MME: variants seen among roughly 807,000 people sequenced by gnomAD.
The protein encoded by MME is membrane metalloendopeptidase, also known as neprilysin.
In MME, 98 loss-of-function variants were observed where a neutral mutation model predicts 113.2. The ratio of observed to expected loss-of-function variants is 0.87; its 90% CI spans 0.74 to 1.02. The LOEUF (loss-of-function observed/expected upper bound fraction) is 1.02. Among genes scored for constraint, MME ranks in the 50% least tolerant of loss-of-function variants. MME has a pLI of 0.00. For synonymous variants in MME, 292 were observed against 300.6 expected (o/e 0.97, Z 0.30); for missense variants, 836 against 896.0 (o/e 0.93, Z 0.86).
chr3:155,080,943 C>G (rs1386980618), intron 1 of MME: 14 of 152,180 alleles, frequency 9.2e-5, no homozygotes, highest in Non-Finnish European at 1.9e-4. Context: ...ATTTCTTGGA[C>G]TTAACCCTGT....
At chr3:155,061,248 A>T (rs570939751) in intron 1 of MME, among the ~76,000 whole-genome samples, 1 of 152,134 alleles carries the variant, frequency 6.6e-6, no homozygotes, top group East Asian at 1.9e-4. Flanking sequence ...GTCTGGAGAT[A>T]GAGACCATCC....
intron 14 of MME, 23 bp from the exon 15 acceptor site, chr3:155,147,121 A>G (rs1215287951): frequency 2.1e-6 from 3 of 1,443,340 alleles, no homozygotes; most frequent in Non-Finnish European, 2.9e-6. Flanking sequence ...TCATCTTCAC[A>G]TTCAATATTA....
At chr3:155,055,089 G>T (rs1713881358) in intron 1 of MME, among the ~76,000 whole-genome samples, 1 of 151,884 alleles carries the variant, frequency 6.6e-6, no homozygotes. Context: ...TCAACAGAGG[G>T]GTATTTATGT....
Position 155,085,066 on chromosome 3 carries a change from T to G in MME, c.168T>G (p.Ile56Met). Reference protein sequence around the residue: ...IALYATYDDGICKSSDCIKSA... With the variant: ...IALYATYDDGMCKSSDCIKSA... ...ATTCTCTCCTTTTTCTAGATGGTAT[T>G]TGCAAGTCATCAGACTGCATAAAAT... Residue 56 changes from isoleucine to methionine, a missense_variant, in exon 3 of 23, where the codon ATT becomes ATG. Coordinates refer to ENST00000360490, the MANE Select transcript of MME (RefSeq NM_007289.4). 1.3e-6 allele frequency: 2 copies of G among 1,589,078 alleles called. No individual in the cohort carries two copies. Among genetic ancestry groups the G allele is most frequent in the Non-Finnish European group, 1.7e-6 (2 of 1,161,318 alleles).
At chr3:155,103,431 A>G (rs1442534369) in intron 3 of MME, among the ~76,000 whole-genome samples, 1 of 152,188 alleles carries the variant, frequency 6.6e-6, no homozygotes, top group South Asian at 2.1e-4. Flanking sequence ...TCCTAGGTTT[A>G]GCCCCTTTCT....
chr3:155,137,619 T>C (rs1478241602), intron 8 of MME, among the ~76,000 whole-genome samples: 3 of 152,092 alleles, frequency 2.0e-5, no homozygotes, highest in Admixed American at 6.6e-5. Context: ...GGCATGAGAA[T>C]TGCTTGAACC....
chr3:155,083,952 A>G, intron 1 of MME: 1 of 540,956 alleles, frequency 1.8e-6, no homozygotes, highest in East Asian at 3.2e-5. Context: ...GCAACAAAAA[A>G]CAAAAGGTTG....
intron 3 of MME, among the ~76,000 whole-genome samples, chr3:155,087,617 A>G (rs1415229880): frequency 6.6e-6 from 1 of 152,132 alleles, no homozygotes; most frequent in African/African-American, 2.4e-5. Context: ...CATATTGACT[A>G]CTAAGGGTTA....
At chr3:155,039,381 A>T (rs560862662) in intron 1 of MME, among the ~76,000 whole-genome samples, 2 of 152,314 alleles carry the variant, frequency 1.3e-5, no homozygotes, top group East Asian at 3.9e-4. Context: ...CTGGAAATTA[A>T]ATAGGTCAGG....
chr3:155,153,748 T>C (rs530073863), intron 16 of MME, among the ~76,000 whole-genome samples: 1 of 152,316 alleles, frequency 6.6e-6, no homozygotes, highest in Non-Finnish European at 1.5e-5. Flanking sequence ...TCTCTTGCTG[T>C]TCTGCATCAA....
intron 1 of MME, among the ~76,000 whole-genome samples, chr3:155,071,843 A>C (rs957993020): frequency 6.6e-6 from 1 of 152,214 alleles, no homozygotes; most frequent in African/African-American, 2.4e-5. Context: ...TAGATCACTT[A>C]TTTATTTTTA....
At chr3:155,136,429 TGTG>T (rs1003402116) in intron 8 of MME, among the ~76,000 whole-genome samples, 1 of 152,186 alleles carries the variant, frequency 6.6e-6, no homozygotes, top group African/African-American at 2.4e-5. Context: ...ATTCTGTTGA[TGTG>T]GTGAAATTGA....
At chr3:155,125,757 C>T (rs1719600792) in intron 8 of MME, among the ~76,000 whole-genome samples, 1 of 151,986 alleles carries the variant, frequency 6.6e-6, no homozygotes, top group Non-Finnish European at 1.5e-5. Flanking sequence ...CCACACCTGG[C>T]CCATGTGCTT....
chr3:155,089,573 C>G (rs1217278307), intron 3 of MME, among the ~76,000 whole-genome samples: 1 of 152,236 alleles, frequency 6.6e-6, no homozygotes, highest in Non-Finnish European at 1.5e-5. Flanking sequence ...AGCACGGTCA[C>G]TTATGACTGG....
chr3:155,055,886 T>C (rs999269358), intron 1 of MME, among the ~76,000 whole-genome samples: 1 of 152,202 alleles, frequency 6.6e-6, no homozygotes, highest in African/African-American at 2.4e-5. Flanking sequence ...GGTTGAATTA[T>C]AGGGTTTTTG....
intron 18 of MME, among the ~76,000 whole-genome samples, chr3:155,168,097 A>G (rs1377739216): frequency 1.3e-5 from 2 of 152,216 alleles, no homozygotes; most frequent in Admixed American, 6.5e-5. Flanking sequence ...ACAGTGTCCT[A>G]TGAAGGGTCC....
intron 1 of MME, among the ~76,000 whole-genome samples, chr3:155,030,617 A>G (rs1712939619): frequency 6.6e-6 from 1 of 152,168 alleles, no homozygotes. Flanking sequence ...TCACAAACCA[A>G]TACATCTTAA....
chr3:155,118,777 G>A lies in MME; in HGVS notation c.686G>A (p.Arg229Lys). 2 of 1,603,120 alleles carry A rather than the reference G, an allele frequency of 1.2e-6. No homozygotes were observed. Among genetic ancestry groups the A allele is most frequent in the Non-Finnish European group, 1.7e-6 (2 of 1,171,668 alleles). Residue 229 changes from arginine to lysine, a missense_variant, in exon 8 of 23, where the codon AGA becomes AAA. Transcript: ENST00000360490. ...CAACCTCGACTTGGCCTCCCTTCTA[G>A]AGATTACTATGAATGCACTGGAATC... ...IDQPRLGLPS[R>K]DYYECTGIYK...
At chr3:155,145,637 A>G (rs890291280) in intron 14 of MME, among the ~76,000 whole-genome samples, 1 of 152,140 alleles carries the variant, frequency 6.6e-6, no homozygotes, top group Non-Finnish European at 1.5e-5. Flanking sequence ...GGATATTTAT[A>G]ATAACTTATG....
Sources: allele counts gnomAD v4.1 joint callset (sites outside exome capture counted in the v4.1 genomes callset), GRCh38; gene constraint gnomAD v4.1.1; transcripts MANE v1.5; gene names NCBI Gene and HGNC (gene_info 2026-07-23, HGNC 2026-07-21).